FAR2: variants seen among roughly 807,000 people sequenced by gnomAD.
FAR2 encodes epididymis secretory protein Li 81.
Under a neutral mutation model 56.0 loss-of-function variants are expected in FAR2, and 19 were observed. That is an observed-to-expected ratio of 0.34 (90% CI 0.24 to 0.50). The LOEUF (loss-of-function observed/expected upper bound fraction) is 0.50, where lower values mean the gene tolerates loss of function less well. Ranked by LOEUF, FAR2 falls within the 20% of genes least tolerant of loss-of-function variation. The pLI is 0.98. For synonymous variants in FAR2, 219 were observed against 218.8 expected, an observed-to-expected ratio of 1.00 and a Z score of -0.01; for missense variants, 508 against 642.2, an observed-to-expected ratio of 0.79 and a Z score of 2.26.
At chr12:29,207,857 A>G (rs918135761) in intron 1 of FAR2, among the ~76,000 whole-genome samples, 4 of 152,208 alleles carry the variant, frequency 2.6e-5, no homozygotes, top group African/African-American at 9.7e-5. Flanking sequence ...GTCCTAATGC[A>G]GGAACTTGAA....
chr12:29,201,211 C>T (rs1047685587), intron 1 of FAR2, among the ~76,000 whole-genome samples: 2 of 152,186 alleles, frequency 1.3e-5, no homozygotes, highest in Non-Finnish European at 2.9e-5. Flanking sequence ...CTTACTGTTT[C>T]ACAGATGCTG....
intron 4 of FAR2, among the ~76,000 whole-genome samples, chr12:29,297,692 A>T (rs1949093783): frequency 6.6e-6 from 1 of 152,224 alleles, no homozygotes; most frequent in Non-Finnish European, 1.5e-5. Context: ...AAAAAGTTAT[A>T]TAAAACACTT....
At chr12:29,182,130 G>A (rs139525566) in intron 1 of FAR2, among the ~76,000 whole-genome samples, 364 of 152,242 alleles carry the variant, frequency 2.4e-3, no homozygotes, top group African/African-American at 8.2e-3. Flanking sequence ...TCTTGGTCTC[G>A]CTGACTTCAA....
chr12:29,239,441 A>G (rs964388073), intron 1 of FAR2, among the ~76,000 whole-genome samples: 2 of 131,398 alleles, frequency 1.5e-5, no homozygotes, highest in African/African-American at 5.8e-5. Context: ...TGCCACAGCT[A>G]AATGAATCAA....
At chr12:29,256,372 G>C (rs1458686109) in intron 1 of FAR2, among the ~76,000 whole-genome samples, 2 of 152,118 alleles carry the variant, frequency 1.3e-5, no homozygotes, top group African/African-American at 4.8e-5. Flanking sequence ...ATTTTTAGTA[G>C]AGACGGGGTC....
At chr12:29,166,910 CAT>C (rs1214699431) in intron 1 of FAR2, among the ~76,000 whole-genome samples, 6 of 152,282 alleles carry the variant, frequency 3.9e-5, no homozygotes, top group Admixed American at 2.6e-4. Flanking sequence ...TACAGATAAA[CAT>C]ATGCACTTTC....
intron 2 of FAR2, among the ~76,000 whole-genome samples, chr12:29,286,020 A>G (rs1158138161): frequency 6.6e-6 from 1 of 151,866 alleles, no homozygotes; most frequent in Non-Finnish European, 1.5e-5. Flanking sequence ...TATCTGGATC[A>G]CAGGATAAAA....
At chr12:29,328,961 T>G (rs900611197) in intron 10 of FAR2, among the ~76,000 whole-genome samples, 3 of 151,542 alleles carry the variant, frequency 2.0e-5, no homozygotes, top group Non-Finnish European at 4.4e-5. Flanking sequence ...CAGCTAAGGG[T>G]TTCACTTCTA....
intron 2 of FAR2, among the ~76,000 whole-genome samples, chr12:29,271,486 G>A (rs1948617724): frequency 6.6e-6 from 1 of 152,174 alleles, no homozygotes; most frequent in African/African-American, 2.4e-5. Flanking sequence ...AATATAGGGG[G>A]TGACATAAGA....
At position 29,297,004 on chromosome 12, in the gene FAR2, T is replaced by G. The variant is rs986879139; in HGVS notation, c.366-17T>G. ...TGACTTACTTCATTGTATTTCCTTC[T>G]GCTTAATCTTCTCTAGACATGCTGT... On this transcript the variant is annotated splice_polypyrimidine_tract_variant and intron_variant, in intron 3 of 11. Transcript: ENST00000536681. 2 of 1,574,066 alleles carry G rather than the reference T, an allele frequency of 1.3e-6. No individual in the cohort carries two copies. The highest frequency in any genetic ancestry group is 8.6e-7 in the Non-Finnish European group (1 of 1,162,642).
intron 1 of FAR2, among the ~76,000 whole-genome samples, chr12:29,245,085 A>C (rs1373763239): frequency 6.6e-6 from 1 of 151,044 alleles, no homozygotes; most frequent in Non-Finnish European, 1.5e-5. Context: ...GGTTCAAGCG[A>C]TTTTCCTGCC....
In FAR2 at chr12:29,150,901, C is replaced by T. The variant is rs192503959; in HGVS notation, c.-39+1494C>T. The stretch of plus-strand genomic sequence containing the variant: ...CACCATGAGTTGGTAAATCATACAG[C>T]TATTAGAGAAATTAAAGTAAATGAA... On this transcript the variant is annotated intron_variant, in intron 1 of 11. Transcript: ENST00000536681. Among the ~76,000 whole-genome samples, 18 of 152,210 alleles carry T rather than the reference C, an allele frequency of 1.2e-4. No homozygotes were observed. The East Asian group carries it at 3.1e-3, about 26-fold the overall frequency.
intron 2 of FAR2, among the ~76,000 whole-genome samples, chr12:29,290,586 T>C (rs950009654): frequency 4.6e-5 from 7 of 152,170 alleles, no homozygotes; most frequent in Admixed American, 3.3e-4. Context: ...CTAGCTAAGA[T>C]TTGGAAGCCA....
At chr12:29,218,322 G>A (rs1442554844) in intron 1 of FAR2, among the ~76,000 whole-genome samples, 8 of 150,276 alleles carry the variant, frequency 5.3e-5, no homozygotes, top group Non-Finnish European at 1.2e-4. Flanking sequence ...TCATGCCACT[G>A]CACTCCAGTC....
intron 1 of FAR2, among the ~76,000 whole-genome samples, chr12:29,260,827 G>T (rs531645108): frequency 1.3e-5 from 2 of 152,296 alleles, no homozygotes; most frequent in African/African-American, 4.8e-5. Flanking sequence ...GAAAACAAGA[G>T]TCTCTGCCTG....
intron 1 of FAR2, chr12:29,172,191 C>T (rs1949894031): frequency 6.6e-6 from 1 of 151,282 alleles, no homozygotes; most frequent in Non-Finnish European, 1.5e-5. Flanking sequence ...AGGAGTGCCT[C>T]TGCCCGGCCG....
At chr12:29,193,030 A>G (rs1014598087) in intron 1 of FAR2, among the ~76,000 whole-genome samples, 1 of 152,226 alleles carries the variant, frequency 6.6e-6, no homozygotes, top group African/African-American at 2.4e-5. Flanking sequence ...TTTCTACCCT[A>G]GCATTTATAG....
chr12:29,271,518 G>T (rs984077313), intron 2 of FAR2, among the ~76,000 whole-genome samples: 3 of 152,176 alleles, frequency 2.0e-5, no homozygotes, highest in African/African-American at 4.8e-5. Flanking sequence ...AAAATTCAGA[G>T]TTCCTTTTTT....
At chr12:29,242,972 T>C (rs1405623316) in intron 1 of FAR2, among the ~76,000 whole-genome samples, 2 of 152,184 alleles carry the variant, frequency 1.3e-5, no homozygotes, top group African/African-American at 4.8e-5. Flanking sequence ...GGCTAGTTGT[T>C]CCAAGCTTGC....
Sources: gnomAD v4.1 joint callset for allele counts (sites outside exome capture counted in the v4.1 genomes callset) on GRCh38, gnomAD v4.1.1 for gene constraint, MANE v1.5 for transcripts, NCBI Gene and HGNC (gene_info 2026-07-23, HGNC 2026-07-21) for gene names.